The following DGKD variants were observed in gnomAD, a reference collection of about 807,000 sequenced individuals.
The protein encoded by DGKD is DAG kinase delta.
DGKD carries 68 observed loss-of-function variants against 154.4 expected under a neutral mutation model. The ratio of observed to expected loss-of-function variants is 0.44; its 90% CI spans 0.36 to 0.54. DGKD has a LOEUF of 0.54. DGKD is among the 20% of genes least tolerant of loss of function. The probability of loss-of-function intolerance (pLI) is 0.00; values close to 1 mark genes in which losing one functional copy is unlikely to be tolerated. For missense variants in DGKD, 1,343 were observed against 1,593.6 expected (o/e 0.84, Z 2.68); for synonymous variants, 693 against 638.0 (o/e 1.09, Z -1.30).
intron 3 of DGKD, among the ~76,000 whole-genome samples, chr2:233,398,229 G>A (rs552930323): frequency 7.3e-5 from 11 of 150,290 alleles, no homozygotes; most frequent in East Asian, 6.0e-4. Flanking sequence ...TGCAAGCTCC[G>A]CCTCCCGGGT....
intron 3 of DGKD, among the ~76,000 whole-genome samples, chr2:233,433,490 G>A (rs1002436711): frequency 1.3e-5 from 2 of 152,176 alleles, no homozygotes; most frequent in African/African-American, 2.4e-5. Context: ...GTACAAAAAT[G>A]TAGTTAGAAT....
chr2:233,450,133 T>TA lies in DGKD; in HGVS notation c.2038+3dup, dbSNP rs774766810. On this transcript the variant is annotated splice_region_variant and intron_variant, in intron 16 of 29. Coordinates refer to ENST00000264057, the MANE Select transcript of DGKD (RefSeq NM_152879.3). ...CCAAGGGGAGGAGCCAGCGCAAAGG[T>TA]ACTTGTGCCTCCACCTCCCTCTGCG... is the stretch of plus-strand genomic sequence containing the variant. 31 of 1,604,718 alleles carry TA rather than the reference T, an allele frequency of 1.9e-5. No individual in the cohort carries two copies. Among genetic ancestry groups the TA allele is most frequent in the Non-Finnish European group, 2.5e-5 (29 of 1,174,622 alleles).
chr2:233,378,993 T>C (rs916172514), intron 1 of DGKD, among the ~76,000 whole-genome samples: 1 of 152,218 alleles, frequency 6.6e-6, no homozygotes, highest in Non-Finnish European at 1.5e-5. Flanking sequence ...ATTGAGCCAC[T>C]GTAGCCCAGC....
Position 233,438,647 on chromosome 2 carries a change from ATTC to A in DGKD, c.1085+274_1085+276del, listed in dbSNP as rs1225256403. ...ACGTGCATCTTTTGAGCCAATCAGG[ATTC>A]TTCTTTACCTGCCGTTGCACAAATG... On this transcript the variant is annotated intron_variant, in intron 9 of 29. Coordinates refer to ENST00000264057, the MANE Select transcript of DGKD (RefSeq NM_152879.3). The surrounding 1 kb of genome is among the most constrained non-coding windows in gnomAD (Gnocchi z 4.1). Among the ~76,000 whole-genome samples the A allele has an allele frequency of 1.3e-5, 2 of 152,160 alleles. No individual in the cohort carries two copies. Among genetic ancestry groups the A allele is most frequent in the Non-Finnish European group, 2.9e-5 (2 of 68,032 alleles).
At chr2:233,428,517 A>G (rs1439715956) in intron 3 of DGKD, among the ~76,000 whole-genome samples, 3 of 152,194 alleles carry the variant, frequency 2.0e-5, no homozygotes, top group Non-Finnish European at 4.4e-5. Flanking sequence ...CAGTGCCCAG[A>G]ACATTATCAG....
intron 1 of DGKD, among the ~76,000 whole-genome samples, chr2:233,377,485 T>C (rs2125411037): frequency 6.6e-6 from 1 of 152,344 alleles, no homozygotes; most frequent in South Asian, 2.1e-4. Flanking sequence ...ACAATCCTTG[T>C]ATAGTTATAT....
At chr2:233,364,245 AAT>A (rs1701921765) in intron 1 of DGKD, among the ~76,000 whole-genome samples, 1 of 152,244 alleles carries the variant, frequency 6.6e-6, no homozygotes, top group Admixed American at 6.5e-5. Context: ...ATACAGTTGA[AAT>A]AAAGATACTT....
rs115242535 is a variant in DGKD at position 233,422,009 on chromosome 2, T to A, written c.349-12371T>A. Among the ~76,000 whole-genome samples the A allele has an allele frequency of 1.0e-3, 155 of 152,340 alleles. 1 individual carries two copies. The highest frequency in any genetic ancestry group is 3.4e-3 in the Middle Eastern group (1 of 294). On this transcript the variant is annotated intron_variant, in intron 3 of 29. Transcript: ENST00000264057. ...TGGGGGGATGGGACAATTACTGGTC[T>A]CTGGGAGGCAGTGGCAGAAGGACCT...
chr2:233,467,109 G>T lies in DGKD; in HGVS notation c.3330G>T (p.Lys1110Asn), dbSNP rs770369448. Residue 1110 changes from lysine (K) to asparagine (N), a missense_variant, in exon 28 of 30, where the codon AAG becomes AAT. Physicochemically the swap from Lys to Asn is moderately conservative, Grantham distance 94. This residue lies in a region of DGKD where 429 missense variants were observed against 496.3 expected (regional missense o/e 0.86). Coordinates refer to ENST00000264057, the MANE Select transcript of DGKD (RefSeq NM_152879.3). ...DEESVMLDLA[K>N]RSRSGKFRLV... ...AGAGTGTGATGCTGGATCTTGCCAA[G>T]CGCAGTCGCAGTGGTAAATTCCGCC... 1 of 1,614,180 alleles carries T rather than the reference G, an allele frequency of 6.2e-7. No individual in the cohort carries two copies. Among genetic ancestry groups the T allele is most frequent in the Non-Finnish European group, 8.5e-7 (1 of 1,180,000 alleles).
chr2:233,441,614 G>A lies in DGKD; in HGVS notation c.1086-273G>A, dbSNP rs553251367. ...ACTTTGCCTGTGATGTCTGCAGAGCGTGCAGTGGCTCACCAAGCTGAGTGG... is the reference window on the plus strand; with the variant it reads ...ACTTTGCCTGTGATGTCTGCAGAGCATGCAGTGGCTCACCAAGCTGAGTGG... On this transcript the variant is annotated intron_variant, in intron 9 of 29. Transcript: ENST00000264057. The surrounding 1 kb of genome is among the most constrained non-coding windows in gnomAD (Gnocchi z 5.6). Among the ~76,000 whole-genome samples, 3 of 152,316 alleles carry A rather than the reference G, an allele frequency of 2.0e-5. No individual in the cohort carries two copies. The highest frequency in any genetic ancestry group is 4.1e-4 in the South Asian group (2 of 4,824).
intron 3 of DGKD, among the ~76,000 whole-genome samples, chr2:233,423,817 C>G (rs565485151): frequency 1.4e-4 from 21 of 152,234 alleles, no homozygotes; most frequent in African/African-American, 3.9e-4. Context: ...CCCACCCCCC[C>G]AGTATCCATC....
chr2:233,385,441 G>A (rs1360052165), intron 1 of DGKD, among the ~76,000 whole-genome samples: 4 of 152,256 alleles, frequency 2.6e-5, no homozygotes, highest in Non-Finnish European at 4.4e-5. Flanking sequence ...GAGTTTTCTC[G>A]GTGCTGTGTG....
chr2:233,438,043 C>G lies in DGKD; in HGVS notation c.923-174C>G, dbSNP rs1357777755. 6.6e-6 allele frequency among the ~76,000 whole-genome samples: 1 copy of G among 152,222 alleles called. No homozygotes were observed. Among genetic ancestry groups the G allele is most frequent in the African/African-American group, 2.4e-5 (1 of 41,450 alleles). On this transcript the variant is annotated intron_variant, in intron 8 of 29. Coordinates refer to ENST00000264057, the MANE Select transcript of DGKD (RefSeq NM_152879.3). This position sits in a 1 kb window ranked among gnomAD's most constrained non-coding sequence, Gnocchi z 4.1. The stretch of plus-strand genomic sequence containing the variant: ...AGGTCAGATGGATGGGGCTCCCGGC[C>G]TCACACATGGAGACCGGCTGTGGGG...
chr2:233,452,001 C>T lies in DGKD; in HGVS notation c.2205C>T (p.Gly735=), dbSNP rs1351289488. ...RAGMSGSLPG[G]SVISRLLINA... is the part of the protein sequence containing the mutation. ...GAATGTCTGGTTCCTTACCCGGTGG[C>T]TCAGTCATCAGTCGCCTGTTAATTA... is the stretch of plus-strand genomic sequence containing the variant. Residue 735 remains glycine, a synonymous_variant, in exon 18 of 30, where the codon GGC becomes GGT. Transcript: ENST00000264057. This position sits in a 1 kb window ranked among gnomAD's most constrained non-coding sequence, Gnocchi z 4.0. 4 of 1,614,086 alleles carry T rather than the reference C, an allele frequency of 2.5e-6. No homozygotes were observed. Among genetic ancestry groups the T allele is most frequent in the Admixed American group, 1.7e-5 (1 of 60,016 alleles).
chr2:233,417,017 AGTTCCT>A (rs2125532593), intron 3 of DGKD, among the ~76,000 whole-genome samples: 1 of 152,182 alleles, frequency 6.6e-6, no homozygotes, highest in East Asian at 1.9e-4. Flanking sequence ...ACTGTGTCTT[AGTTCCT>A]GTGTGCATTT....
At chr2:233,388,878 T>G (rs1375381139) in intron 2 of DGKD, 2 of 151,956 alleles carry the variant, frequency 1.3e-5, no homozygotes, top group African/African-American at 4.8e-5. Context: ...CCCAAGTAGC[T>G]GGGATTACAG....
chr2:233,362,526 C>G (rs1490090707), intron 1 of DGKD, among the ~76,000 whole-genome samples: 1 of 152,174 alleles, frequency 6.6e-6, no homozygotes, highest in Non-Finnish European at 1.5e-5. Context: ...TGGCAGATGC[C>G]TGTAATCCCA....
In DGKD at chr2:233,457,198, T is replaced by C. The variant is rs1362675952; in HGVS notation, c.2473-23T>C. Reference sequence around the variant, plus strand: ...TGACTCATACCTTTCTCTTTTCTTTTGTTCTGTGTCTCTGCTGCTCAGTGT... The same window carrying C: ...TGACTCATACCTTTCTCTTTTCTTTCGTTCTGTGTCTCTGCTGCTCAGTGT... On this transcript the variant is annotated intron_variant, in intron 20 of 29. Transcript: ENST00000264057. This position sits in a 1 kb window ranked among gnomAD's most constrained non-coding sequence, Gnocchi z 5.5. 4 of 1,494,178 alleles carry C rather than the reference T, an allele frequency of 2.7e-6. No individual in the cohort carries two copies. Among genetic ancestry groups the C allele is most frequent in the South Asian group, 1.3e-5 (1 of 74,532 alleles). The allele number at this position is 1,494,178 out of a possible 1,614,324, so 92.6% of individuals were successfully genotyped here. A position where few individuals can be genotyped will look rare whatever the true frequency, so the allele number is the denominator to read the frequency against.
At chr2:233,388,109 T>C in intron 1 of DGKD, 148 bp from the exon 2 acceptor site, 1 of 1,496,982 alleles carries the variant, frequency 6.7e-7, no homozygotes, top group Non-Finnish European at 8.9e-7. Context: ...GCTGGGCCTG[T>C]GCATAGGTCA....
Sources: allele counts gnomAD v4.1 joint callset (sites outside exome capture counted in the v4.1 genomes callset), GRCh38; gene constraint gnomAD v4.1.1; regional missense constraint gnomAD v4.1.1; non-coding constraint Gnocchi (gnomAD v3.1); transcripts MANE v1.5; gene names NCBI Gene and HGNC (gene_info 2026-07-23, HGNC 2026-07-21).